Variants in PKNOX2 observed in about 807,000 individuals in gnomAD.
PKNOX2 encodes the protein homeobox protein PKNOX2.
Under a neutral mutation model 53.1 loss-of-function variants are expected in PKNOX2, and 14 were observed. The ratio of observed to expected loss-of-function variants is 0.26; its 90% CI spans 0.17 to 0.41. The LOEUF (loss-of-function observed/expected upper bound fraction) is 0.41, where lower values mean the gene tolerates loss of function less well. Ranked by LOEUF, PKNOX2 falls within the 10% of genes least tolerant of loss-of-function variation. The pLI is 1.00. For synonymous variants in PKNOX2, 257 were observed against 242.8 expected (o/e 1.06, Z -0.54); for missense variants, 496 against 602.8 (o/e 0.82, Z 1.85).
intron 2 of PKNOX2, among the ~76,000 whole-genome samples, chr11:125,275,473 C>T (rs549093524): frequency 5.9e-5 from 9 of 152,182 alleles, no homozygotes; most frequent in Middle Eastern, 3.4e-3. Flanking sequence ...AGGACTATAA[C>T]GGGGAGAGTG....
At chr11:125,337,392 C>T (rs1014369125) in intron 3 of PKNOX2, among the ~76,000 whole-genome samples, 15 of 152,236 alleles carry the variant, frequency 9.9e-5, no homozygotes, top group Non-Finnish European at 1.9e-4. Flanking sequence ...GGGAAATAAA[C>T]TCCAAGTTCT....
intron 4 of PKNOX2, among the ~76,000 whole-genome samples, chr11:125,357,971 T>C (rs975703439): frequency 3.9e-5 from 6 of 152,138 alleles, no homozygotes; most frequent in African/African-American, 1.4e-4. Flanking sequence ...TCAACAGAGT[T>C]CCTGTCCTCT....
chr11:125,193,782 T>A (rs1957012678), intron 1 of PKNOX2, among the ~76,000 whole-genome samples: 1 of 152,060 alleles, frequency 6.6e-6, no homozygotes, highest in Non-Finnish European at 1.5e-5. Context: ...GCAGCACGGT[T>A]GGGGGCAGGC....
intron 1 of PKNOX2, among the ~76,000 whole-genome samples, chr11:125,223,481 C>A (rs1347220738): frequency 1.3e-5 from 2 of 152,198 alleles, no homozygotes; most frequent in Non-Finnish European, 2.9e-5. Flanking sequence ...TCACCTGCCT[C>A]GGCCTCCCAA....
At position 125,351,401 on chromosome 11, in the gene PKNOX2, G is replaced by A. The variant is rs746574142; in HGVS notation, c.87+9G>A. The A allele has an allele frequency of 4.4e-6, 7 of 1,574,084 alleles. No individual in the cohort carries two copies. The highest frequency in any genetic ancestry group is 1.7e-4 in the Middle Eastern group (1 of 6,014). On this transcript the variant is annotated intron_variant, in intron 4 of 12. Transcript: ENST00000298282. ...ACCAGGACAGCCCACAGGTGAGTGC[G>A]CAGGGGCCGCTGCCTCCCACCACGG...
chr11:125,396,837 T>C (rs541959804), intron 6 of PKNOX2, among the ~76,000 whole-genome samples: 12 of 152,170 alleles, frequency 7.9e-5, no homozygotes, highest in Non-Finnish European at 1.6e-4. Context: ...CCCTGCCTTC[T>C]CAAAGCTCAT....
At chr11:125,191,644 G>T (rs988444190) in intron 1 of PKNOX2, among the ~76,000 whole-genome samples, 3 of 152,142 alleles carry the variant, frequency 2.0e-5, no homozygotes, top group Non-Finnish European at 2.9e-5. Flanking sequence ...TTGTGGTGGG[G>T]CGTGTGGTTG....
intron 1 of PKNOX2, among the ~76,000 whole-genome samples, chr11:125,199,887 TG>T (rs1479333393): frequency 6.6e-6 from 1 of 152,144 alleles, no homozygotes; most frequent in Non-Finnish European, 1.5e-5. Context: ...CAAAACTTAC[TG>T]GGTCTCTCGT....
Position 125,355,287 on chromosome 11 carries a change from A to G in PKNOX2, c.87+3895A>G, listed in dbSNP as rs1328256934. Among the ~76,000 whole-genome samples the G allele has an allele frequency of 1.3e-5, 2 of 151,708 alleles. 1 individual carries two copies. Among genetic ancestry groups the G allele is most frequent in the Admixed American group, 1.3e-4 (2 of 15,246 alleles). ...ATCTCAAAAAAAAAAGAAAAAAAAA[A>G]AAAAAAGAAAGAAAGAAAGTGCAAA... is the stretch of plus-strand genomic sequence containing the variant. On this transcript the variant is annotated intron_variant, in intron 4 of 12. Coordinates refer to ENST00000298282, the MANE Select transcript of PKNOX2 (RefSeq NM_001382323.2).
chr11:125,308,950 G>T (rs1287766461), intron 2 of PKNOX2, among the ~76,000 whole-genome samples: 1 of 152,110 alleles, frequency 6.6e-6, no homozygotes, highest in South Asian at 2.1e-4. Flanking sequence ...TTCTGTTCTG[G>T]AAGTATGTAC....
chr11:125,356,361 G>C (rs907632941), intron 4 of PKNOX2, among the ~76,000 whole-genome samples: 2 of 152,202 alleles, frequency 1.3e-5, no homozygotes, highest in African/African-American at 4.8e-5. Flanking sequence ...GCATTGAAAG[G>C]GTTTGGGAAG....
chr11:125,279,170 C>A (rs909347725), intron 2 of PKNOX2, among the ~76,000 whole-genome samples: 1 of 152,206 alleles, frequency 6.6e-6, no homozygotes, highest in Non-Finnish European at 1.5e-5. Context: ...CTCCTCTGTG[C>A]TTGTGGGCAT....
At chr11:125,259,244 A>C (rs767394255) in intron 2 of PKNOX2, 1 of 152,418 alleles carries the variant, frequency 6.6e-6, no homozygotes, top group Non-Finnish European at 1.5e-5. Context: ...TTATCTCTAA[A>C]ATGAGAGGAT....
intron 2 of PKNOX2, among the ~76,000 whole-genome samples, chr11:125,291,911 G>T (rs78457711): frequency 2.0e-5 from 3 of 152,206 alleles, no homozygotes; most frequent in African/African-American, 7.2e-5. Flanking sequence ...GCTTGGAGGA[G>T]GTAGAGATGG....
At chr11:125,401,500 T>C (rs1266358681) in intron 7 of PKNOX2, among the ~76,000 whole-genome samples, 1 of 152,178 alleles carries the variant, frequency 6.6e-6, no homozygotes, top group Non-Finnish European at 1.5e-5. Flanking sequence ...TAATTACACA[T>C]AGGCTATGGC....
At chr11:125,298,504 C>G (rs1947807853) in intron 2 of PKNOX2, among the ~76,000 whole-genome samples, 1 of 152,202 alleles carries the variant, frequency 6.6e-6, no homozygotes, top group Non-Finnish European at 1.5e-5. Flanking sequence ...ACAGCCCTGA[C>G]TCTGGGGTGG....
chr11:125,383,159 T>C (rs577541442), intron 5 of PKNOX2, among the ~76,000 whole-genome samples: 1 of 152,304 alleles, frequency 6.6e-6, no homozygotes, highest in East Asian at 1.9e-4. Flanking sequence ...GTACGCACTT[T>C]GTCTTTTTGT....
intron 10 of PKNOX2, among the ~76,000 whole-genome samples, chr11:125,428,798 C>A (rs535745918): frequency 6.6e-6 from 1 of 152,320 alleles, no homozygotes; most frequent in East Asian, 1.9e-4. Flanking sequence ...GAGGACTGGC[C>A]AGCCCGGGAT....
chr11:125,302,929 C>T (rs761274855), intron 2 of PKNOX2, among the ~76,000 whole-genome samples: 1 of 152,228 alleles, frequency 6.6e-6, no homozygotes, highest in Non-Finnish European at 1.5e-5. Context: ...GCTCGCTGCT[C>T]CACACAGTGG....
Sources: gnomAD v4.1 joint callset for allele counts (sites outside exome capture counted in the v4.1 genomes callset) on GRCh38, gnomAD v4.1.1 for gene constraint, MANE v1.5 for transcripts, NCBI Gene and HGNC (gene_info 2026-07-23, HGNC 2026-07-21) for gene names.